Variants in STARD13 observed in about 807,000 individuals in gnomAD.
STARD13 encodes StAR related lipid transfer domain containing 13.
STARD13 carries 62 observed loss-of-function variants against 106.4 expected under a neutral mutation model. That is an observed-to-expected ratio of 0.58 (90% CI 0.48 to 0.72). The LOEUF is 0.72. Ranked by LOEUF, STARD13 falls within the 30% of genes least tolerant of loss-of-function variation. The pLI, the probability that STARD13 is intolerant of heterozygous loss-of-function variation, is 0.00. For synonymous variants in STARD13, 565 were observed against 553.0 expected (o/e 1.02, Z -0.31); for missense variants, 1,387 against 1,424.0 (o/e 0.97, Z 0.42).
intron 12 of STARD13, among the ~76,000 whole-genome samples, chr13:33,108,032 C>A (rs1295851569): frequency 6.6e-6 from 1 of 152,234 alleles, no homozygotes; most frequent in African/African-American, 2.4e-5. Flanking sequence ...GACTTCCATG[C>A]TGTGACTACT....
chr13:33,250,215 G>A (rs1340801620), intron 1 of STARD13, among the ~76,000 whole-genome samples: 1 of 152,148 alleles, frequency 6.6e-6, no homozygotes, highest in East Asian at 1.9e-4. Flanking sequence ...AAAATTCTGA[G>A]CAGTAGACAT....
the STARD13 span, among the ~76,000 whole-genome samples, chr13:33,419,357 A>C: frequency 7.9e-5 from 12 of 152,210 alleles, no homozygotes; most frequent in African/African-American, 2.9e-4. Context: ...AAGTGGAAGA[A>C]AGGATATCAG....
rs71071079 is a variant in STARD13, at chr13:33,123,055, C to CAAAAAAAAAAAAAAA, written c.2082+3011_2082+3025dup. Among the ~76,000 whole-genome samples, 6 of 45,858 alleles carry CAAAAAAAAAAAAAAA rather than the reference C, an allele frequency of 1.3e-4. 2 individuals are homozygous for CAAAAAAAAAAAAAAA. The highest frequency in any genetic ancestry group is 1.5e-4 in the Non-Finnish European group (4 of 26,426). 30.1% of individuals were successfully genotyped at this position (45,858 alleles called of 152,430 possible). A position where few individuals can be genotyped will look rare whatever the true frequency, so the allele number is the denominator to read the frequency against. On this transcript the variant is annotated intron_variant, in intron 7 of 13. Coordinates refer to ENST00000336934, the MANE Select transcript of STARD13 (RefSeq NM_178006.4). Reference sequence around the variant, plus strand: ...TGGGTGACAGAGCAAGACTCCATCTCAAAAAAAAAAAAAAAAAAAAAAAAG... The same window carrying CAAAAAAAAAAAAAAA: ...TGGGTGACAGAGCAAGACTCCATCTCAAAAAAAAAAAAAAAAAAAAAAAAAAAAAAAAAAAAAAAG...
At chr13:33,474,281 C>A in the STARD13 span, among the ~76,000 whole-genome samples, 1 of 152,090 alleles carries the variant, frequency 6.6e-6, no homozygotes, top group Non-Finnish European at 1.5e-5. Flanking sequence ...GGAGATATGC[C>A]CTTTAAAAAT....
chr13:33,597,206 CT>C, the STARD13 span, among the ~76,000 whole-genome samples: 9 of 152,122 alleles, frequency 5.9e-5, no homozygotes, highest in African/African-American at 2.2e-4. Flanking sequence ...TTCTTATTTC[CT>C]GTCTTTTTGA....
At chr13:33,366,702 C>T in the STARD13 span, among the ~76,000 whole-genome samples, 2 of 152,136 alleles carry the variant, frequency 1.3e-5, no homozygotes, top group Admixed American at 6.5e-5. This position sits in a 1 kb window ranked among gnomAD's most constrained non-coding sequence, Gnocchi z 4.2. Context: ...ATAGTATTGT[C>T]CGGCTATTTT....
the STARD13 span, among the ~76,000 whole-genome samples, chr13:33,494,522 G>T: frequency 6.6e-6 from 1 of 152,032 alleles, no homozygotes; most frequent in African/African-American, 2.4e-5. Flanking sequence ...AGAGTTTAAG[G>T]CTCTCCTGCT....
intron 1 of STARD13, among the ~76,000 whole-genome samples, chr13:33,331,512 C>T (rs2077835427): frequency 7.4e-6 from 1 of 135,950 alleles, no homozygotes; most frequent in African/African-American, 2.7e-5. Context: ...GCCACCATGC[C>T]TGGCTGATTT....
chr13:33,167,015 C>CAAAAAAAAAA (rs1010175989), intron 2 of STARD13, among the ~76,000 whole-genome samples: 1 of 139,248 alleles, frequency 7.2e-6, no homozygotes, highest in African/African-American at 2.8e-5. Flanking sequence ...AAAAAAAAAC[C>CAAAAAAAAAA]AAAAAAAAAT....
chr13:33,673,086 G>C, the STARD13 span, among the ~76,000 whole-genome samples: 1 of 152,196 alleles, frequency 6.6e-6, no homozygotes, highest in Non-Finnish European at 1.5e-5. Flanking sequence ...ATGAAGCTAG[G>C]ATGCTATCCA....
chr13:33,339,598 C>T (rs1362116320), intron 1 of STARD13, among the ~76,000 whole-genome samples: 1 of 152,172 alleles, frequency 6.6e-6, no homozygotes, highest in Non-Finnish European at 1.5e-5. Flanking sequence ...TTTCATTTGT[C>T]ATTGCTTTGT....
chr13:33,206,408 T>G (rs1887424121), intron 1 of STARD13, among the ~76,000 whole-genome samples: 1 of 148,464 alleles, frequency 6.7e-6, no homozygotes, highest in Non-Finnish European at 1.5e-5. Context: ...CATAAATAAT[T>G]TTTAATCTGT....
chr13:33,470,479 G>T, the STARD13 span, among the ~76,000 whole-genome samples: 4 of 152,028 alleles, frequency 2.6e-5, no homozygotes, highest in African/African-American at 9.7e-5. Context: ...TCTAGTTCTA[G>T]ATCCTTGCGG....
At chr13:33,193,444 G>T (rs1479413037) in intron 1 of STARD13, among the ~76,000 whole-genome samples, 1 of 152,200 alleles carries the variant, frequency 6.6e-6, no homozygotes, top group East Asian at 1.9e-4. Context: ...ATAGTTTGTT[G>T]TTGGACAAAC....
chr13:33,618,193 G>C, the STARD13 span, among the ~76,000 whole-genome samples: 814 of 152,280 alleles, frequency 5.3e-3, 2 homozygotes, highest in Non-Finnish European at 8.4e-3. Flanking sequence ...TTTTACACTT[G>C]TTAGACTTTT....
chr13:33,331,317 C>T lies in STARD13; in HGVS notation c.124+18973G>A, dbSNP rs955560810. On this transcript the variant is annotated intron_variant, in intron 1 of 5. Coordinates refer to the STARD13 transcript ENST00000567873. ...CTCCTCTGTGACAAGCCACTCCACC[C>T]TCTGATCTCTCCCTACATCTTCATT... 2.6e-5 allele frequency among the ~76,000 whole-genome samples: 4 copies of T among 152,028 alleles called. No individual in the cohort carries two copies. In the East Asian group the frequency reaches 7.8e-4, roughly 30 times the overall value.
chr13:33,375,643 C>G, the STARD13 span, among the ~76,000 whole-genome samples: 2 of 152,074 alleles, frequency 1.3e-5, no homozygotes, highest in Non-Finnish European at 2.9e-5. Flanking sequence ...GCAGGAAAAG[C>G]CCCTTATAAA....
chr13:33,500,222 T>G, the STARD13 span, among the ~76,000 whole-genome samples: 3 of 152,116 alleles, frequency 2.0e-5, no homozygotes, highest in Admixed American at 6.6e-5. Context: ...AACAATGGAT[T>G]GAGAAAAATT....
At chr13:33,554,775 T>C in the STARD13 span, among the ~76,000 whole-genome samples, 1 of 152,176 alleles carries the variant, frequency 6.6e-6, no homozygotes, top group African/African-American at 2.4e-5. Context: ...TGAGTGTGAC[T>C]GAGAAGAAAA....
Sources: gnomAD v4.1 joint callset for allele counts (sites outside exome capture counted in the v4.1 genomes callset) on GRCh38, gnomAD v4.1.1 for gene constraint, Gnocchi (gnomAD v3.1) non-coding constraint, MANE v1.5 for transcripts, NCBI Gene and HGNC (gene_info 2026-07-23, HGNC 2026-07-21) for gene names.